Variants in GCN1 observed in about 807,000 individuals in gnomAD.
GCN1 encodes the protein stalled ribosome sensor GCN1.
In GCN1, 90 loss-of-function variants were observed where a neutral mutation model predicts 288.4. The ratio of observed to expected loss-of-function variants is 0.31; its 90% confidence interval spans 0.26 to 0.37. GCN1 has a LOEUF of 0.37. Among genes scored for constraint, GCN1 ranks in the 10% least tolerant of loss-of-function variants. The pLI is 1.00. For synonymous variants in GCN1, 1,386 were observed against 1,420.2 expected (o/e 0.98, Z 0.54); for missense variants, 2,586 against 3,419.9 (o/e 0.76, Z 6.08).
chr12:120,152,521 G>T (rs1255677999), intron 33 of GCN1, among the ~76,000 whole-genome samples: 1 of 122,180 alleles, frequency 8.2e-6, no homozygotes, highest in Middle Eastern at 5.3e-3. Flanking sequence ...ACATTAAAAC[G>T]CACCTGTAGC....
At chr12:120,190,006 A>C (rs73412875) in intron 2 of GCN1, among the ~76,000 whole-genome samples, 260 of 151,990 alleles carry the variant, frequency 1.7e-3, no homozygotes, top group African/African-American at 5.2e-3. Flanking sequence ...CACAAAAAAA[A>C]CCACAAAATT....
Position 120,156,826 on chromosome 12 carries a change from A to C in GCN1, c.3168+86T>G. ...AAGTCCAAAAGTAAGGGCTGAAAGG[A>C]AACTAGGACTCCACCCTTTACACTG... On this transcript the variant is annotated intron_variant, in intron 27 of 57. Coordinates refer to ENST00000300648, the MANE Select transcript of GCN1 (RefSeq NM_006836.2). The surrounding 1 kb of genome is among the most constrained non-coding windows in gnomAD (Gnocchi z 5.8). The C allele has an allele frequency of 9.6e-7, 1 of 1,039,710 alleles. No individual in the cohort carries two copies. The allele number at this position is 1,039,710 out of a possible 1,614,324, so 64.4% of individuals were successfully genotyped here. A position where few individuals can be genotyped will look rare whatever the true frequency, so the allele number is the denominator to read the frequency against.
rs1878786884 is a variant in GCN1, at chr12:120,185,317, C to A, written c.122-430G>T. ...TGCAACACTGAAGTACTATGAGGGA[C>A]CAGAAAAGGGAAGAACACCTATAAC... On this transcript the variant is annotated intron_variant, in intron 2 of 57. Coordinates refer to ENST00000300648, the MANE Select transcript of GCN1 (RefSeq NM_006836.2). 2.0e-5 allele frequency among the ~76,000 whole-genome samples: 3 copies of A among 151,968 alleles called. No homozygotes were observed. In the South Asian group the frequency reaches 6.2e-4, roughly 32 times the overall value.
chr12:120,160,404 A>G, intron 22 of GCN1, 149 bp from the exon 23 acceptor site: 1 of 609,186 alleles, frequency 1.6e-6, no homozygotes, highest in Non-Finnish European at 2.9e-6. Flanking sequence ...TGCACCCCCA[A>G]CCTCCCACAA....
Position 120,144,243 on chromosome 12 carries a change from T to A in GCN1, c.5495+63A>T, listed in dbSNP as rs1367868778. The A allele has an allele frequency of 6.3e-7, 1 of 1,584,568 alleles. No individual in the cohort carries two copies. The highest frequency in any genetic ancestry group is 1.3e-5 in the African/African-American group (1 of 74,322). On this transcript the variant is annotated intron_variant, in intron 42 of 57. Coordinates refer to ENST00000300648, the MANE Select transcript of GCN1 (RefSeq NM_006836.2). This position sits in a 1 kb window ranked among gnomAD's most constrained non-coding sequence, Gnocchi z 4.7. ...CTCCTGCCTCGGCTTTCCAGAGTGC[T>A]CGGATTATAGGCATGAGCCACCACG...
intron 57 of GCN1, 119 bp downstream of exon 57, chr12:120,129,157 G>C: frequency 1.2e-6 from 1 of 853,414 alleles, no homozygotes; most frequent in Non-Finnish European, 1.9e-6. Flanking sequence ...ATCTGCTCCT[G>C]AAAGCTAGCA....
intron 1 of GCN1, among the ~76,000 whole-genome samples, chr12:120,194,467 C>A (rs1879105936): frequency 1.3e-5 from 2 of 152,348 alleles, no homozygotes; most frequent in South Asian, 4.1e-4. Flanking sequence ...GAGGCGGGAG[C>A]CCCGGACTCC....
intron 46 of GCN1, 127 bp from the exon 47 acceptor site, chr12:120,138,542 G>A (rs1020340417): frequency 1.4e-5 from 14 of 1,026,648 alleles, no homozygotes; most frequent in Admixed American, 3.5e-5. Flanking sequence ...ACTGCCGAAG[G>A]CGAAGCACAA....
chr12:120,181,959 C>T (rs1209782932), intron 5 of GCN1, among the ~76,000 whole-genome samples: 1 of 151,706 alleles, frequency 6.6e-6, no homozygotes. Context: ...CTAGCCTGGC[C>T]AACATGGTGA....
intron 13 of GCN1, 77 bp downstream of exon 13, chr12:120,173,994 A>T (rs1878390227): frequency 9.4e-7 from 1 of 1,068,968 alleles, no homozygotes; most frequent in African/African-American, 1.5e-5. Flanking sequence ...AGGTTTATGG[A>T]AGGAAAGCTC....
chr12:120,153,130 C>T lies in GCN1; in HGVS notation c.4062+83G>A. ...TTTCAGGGCCCTGATTGTCCAACTCCACCCCTAGTATCCCACCGCCTAACC... is the reference window on the plus strand; with the variant it reads ...TTTCAGGGCCCTGATTGTCCAACTCTACCCCTAGTATCCCACCGCCTAACC... On this transcript the variant is annotated intron_variant, in intron 33 of 57. Coordinates refer to ENST00000300648, the MANE Select transcript of GCN1 (RefSeq NM_006836.2). The surrounding 1 kb of genome is among the most constrained non-coding windows in gnomAD (Gnocchi z 4.4). 1.7e-6 allele frequency: 2 copies of T among 1,187,250 alleles called. No individual in the cohort carries two copies. Among genetic ancestry groups the T allele is most frequent in the Non-Finnish European group, 2.4e-6 (2 of 824,810 alleles). The allele number at this position is 1,187,250 out of a possible 1,614,324, so 73.5% of individuals were successfully genotyped here. A position where few individuals can be genotyped will look rare whatever the true frequency, so the allele number is the denominator to read the frequency against.
In GCN1 at chr12:120,151,233, G is replaced by T. The variant is rs1034160266; in HGVS notation, c.4221C>A (p.Gly1407=). ...AAYGLAGLVK[G]LGILSLKQQE... Reference sequence around the variant, plus strand: ...GTTGCTTCAGCGAGAGGATGCCCAGGCCCTTCACCAGGCCCGCCAGGCCAT... The same window carrying T: ...GTTGCTTCAGCGAGAGGATGCCCAGTCCCTTCACCAGGCCCGCCAGGCCAT... The change falls in exon 34 of 58, where the codon GGC becomes GGA. Residue 1407 remains glycine (G), a synonymous_variant. Transcript: ENST00000300648. 4.3e-6 allele frequency: 7 copies of T among 1,614,136 alleles called. No individual in the cohort carries two copies. The highest frequency in any genetic ancestry group is 5.9e-6 in the Non-Finnish European group (7 of 1,180,006).
Position 120,144,710 on chromosome 12 carries a change from T to G in GCN1, c.5281A>C (p.Asn1761His), listed in dbSNP as rs1261253647. 1 of 1,613,970 alleles carries G rather than the reference T, an allele frequency of 6.2e-7. No individual in the cohort carries two copies. The highest frequency in any genetic ancestry group is 8.5e-7 in the Non-Finnish European group (1 of 1,179,938). The part of the protein sequence containing the change: ...HVRDGYIMMF[N>H]YLPITFGDKF... Reference sequence around the variant, plus strand: ...TCTCCAAAGGTGATGGGCAGGTAGTTAAACATCATAATGTAGCCATCTCGG... The same window carrying G: ...TCTCCAAAGGTGATGGGCAGGTAGTGAAACATCATAATGTAGCCATCTCGG... The change falls in exon 41 of 58, where the codon AAC (asparagine) becomes CAC (histidine). Residue 1761 changes from asparagine to histidine, a missense_variant. Asn to His is a moderately conservative substitution (Grantham distance 68, BLOSUM62 1). Transcript: ENST00000300648. The surrounding 1 kb of genome is among the most constrained non-coding windows in gnomAD (Gnocchi z 4.7).
chr12:120,129,300 C>T lies in GCN1; in HGVS notation c.7866G>A (p.Met2622Ile), dbSNP rs372483013. Residue 2622 changes from methionine (M) to isoleucine (I), a missense_variant, in exon 57 of 58, where the codon ATG becomes ATA. Physicochemically the swap from Met to Ile is conservative, Grantham distance 10. Around this residue, in one of 8 missense-constraint regions of GCN1, gnomAD observed 355 missense variants for 431.1 expected, o/e 0.82. Coordinates refer to ENST00000300648, the MANE Select transcript of GCN1 (RefSeq NM_006836.2). ...CCTGAAACACCTCTTCACCCTGCCG[C>T]ATCTTGAGGAGGTTGACAATTGCCT... ...SDQAIVNLLK[M>I]RQGEEVFQSL... is the part of the protein sequence containing the mutation. 1.5e-5 allele frequency: 25 copies of T among 1,613,940 alleles called. No homozygotes were observed. The African/African-American group carries it at 1.9e-4, about 12-fold the overall frequency.
intron 53 of GCN1, among the ~76,000 whole-genome samples, chr12:120,133,904 T>C (rs1876911328): frequency 6.6e-6 from 1 of 152,164 alleles, no homozygotes; most frequent in South Asian, 2.1e-4. Flanking sequence ...ACCCTATCTC[T>C]ACTAAAAGTA....
At chr12:120,154,691 T>G (rs1594271491) in intron 31 of GCN1, among the ~76,000 whole-genome samples, 1 of 152,246 alleles carries the variant, frequency 6.6e-6, no homozygotes, top group Non-Finnish European at 1.5e-5. Context: ...AGAGTTCATT[T>G]TAATTGATTT....
intron 18 of GCN1, among the ~76,000 whole-genome samples, chr12:120,163,920 C>T (rs1046666393): frequency 3.3e-5 from 5 of 152,042 alleles, no homozygotes; most frequent in African/African-American, 7.2e-5. Flanking sequence ...CCTAGAAGTT[C>T]GAGATCAGCC....
At chr12:120,141,668 C>T (rs1196710192) in intron 44 of GCN1, among the ~76,000 whole-genome samples, 1 of 152,190 alleles carries the variant, frequency 6.6e-6, no homozygotes, top group Non-Finnish European at 1.5e-5. Flanking sequence ...ACCACGGGAC[C>T]TCTGCATATC....
intron 42 of GCN1, 66 bp from the exon 43 acceptor site, chr12:120,143,007 G>A: frequency 3.3e-6 from 3 of 907,490 alleles, no homozygotes; most frequent in South Asian, 2.8e-5. Context: ...ACTGAGCACT[G>A]CACAGAAGAT....
Sources: gnomAD v4.1 joint callset for allele counts (sites outside exome capture counted in the v4.1 genomes callset) on GRCh38, gnomAD v4.1.1 for gene constraint, gnomAD v4.1.1 regional missense constraint, Gnocchi (gnomAD v3.1) non-coding constraint, MANE v1.5 for transcripts, NCBI Gene and HGNC (gene_info 2026-07-23, HGNC 2026-07-21) for gene names.